The following MTRF1L variants were observed in gnomAD, a reference collection of about 807,000 sequenced individuals.
The protein encoded by MTRF1L is mitochondrial translation release factor 1 like.
A neutral mutation model predicts 40.0 loss-of-function variants in MTRF1L; 29 were observed. That is an observed-to-expected ratio of 0.73 (90% CI 0.54 to 0.99). The LOEUF (loss-of-function observed/expected upper bound fraction) is 0.99, where lower values mean the gene tolerates loss of function less well. Ranked by LOEUF, MTRF1L falls within the 50% of genes least tolerant of loss-of-function variation. The pLI is 0.00. For missense variants in MTRF1L, 412 were observed against 464.5 expected, an observed-to-expected ratio of 0.89 and a Z score of 1.04; for synonymous variants, 150 against 175.8, an observed-to-expected ratio of 0.85 and a Z score of 1.16.
intron 1 of MTRF1L, 109 bp downstream of exon 1, chr6:153,002,318 G>C (rs1399711387): frequency 6.6e-7 from 1 of 1,517,778 alleles, no homozygotes; most frequent in Non-Finnish European, 9.1e-7. Flanking sequence ...AAATAAAAAC[G>C]GCTGCAAGTG....
intron 1 of MTRF1L, among the ~76,000 whole-genome samples, chr6:153,000,976 C>T (rs962792469): frequency 4.7e-5 from 7 of 149,774 alleles, no homozygotes; most frequent in African/African-American, 1.5e-4. Flanking sequence ...CGGGTTCAAG[C>T]GATTCTCCCA....
chr6:152,998,156 T>TA (rs566694773), intron 2 of MTRF1L: 15,689 of 121,480 alleles, frequency 0.13, 1,075 homozygotes, highest in Admixed American at 0.2. Flanking sequence ...CCAGTCTTCT[T>TA]AAAAAAAAAA....
intron 1 of MTRF1L, among the ~76,000 whole-genome samples, chr6:152,999,306 T>A (rs755527554): frequency 2.0e-5 from 3 of 152,172 alleles, no homozygotes; most frequent in Non-Finnish European, 4.4e-5. Flanking sequence ...AAGGGAAAAT[T>A]TCTGGCTATT....
At chr6:152,998,821 A>G (rs1414206670) in intron 1 of MTRF1L, 192 bp from the exon 2 acceptor site, 2 of 345,992 alleles carry the variant, frequency 5.8e-6, no homozygotes, top group Non-Finnish European at 1.0e-5. Flanking sequence ...CATTTTATAC[A>G]TTAGTTTTCA....
intron 4 of MTRF1L, among the ~76,000 whole-genome samples, chr6:152,994,171 T>C (rs1043355957): frequency 6.6e-6 from 1 of 152,202 alleles, no homozygotes; most frequent in East Asian, 1.9e-4. Context: ...TAAATAGGAT[T>C]GTTGCTGTTA....
chr6:153,001,582 T>C (rs1222937024), intron 1 of MTRF1L, among the ~76,000 whole-genome samples: 1 of 152,222 alleles, frequency 6.6e-6, no homozygotes, highest in Non-Finnish European at 1.5e-5. Context: ...TTTTATACTT[T>C]CATCTTAATT....
intron 2 of MTRF1L, among the ~76,000 whole-genome samples, chr6:152,995,965 AGT>A (rs763628222): frequency 1.7e-4 from 26 of 152,330 alleles, no homozygotes; most frequent in Non-Finnish European, 3.7e-4. Context: ...CCATTACAAT[AGT>A]GTGTTTCTAA....
chr6:152,994,895 AACACATCTAAG>A, intron 3 of MTRF1L: 2 of 711,958 alleles, frequency 2.8e-6, no homozygotes, highest in Non-Finnish European at 4.6e-6. Flanking sequence ...TGACATCAGT[AACACATCTAAG>A]ACTACTTTTA....
chr6:153,001,146 T>TA (rs1445366974), intron 1 of MTRF1L, among the ~76,000 whole-genome samples: 1 of 152,166 alleles, frequency 6.6e-6, no homozygotes, highest in Non-Finnish European at 1.5e-5. Context: ...GTGCTGGAAT[T>TA]AGAGGCGTGA....
At chr6:152,998,235 A>C (rs1778786171) in intron 2 of MTRF1L, 1 of 162,130 alleles carries the variant, frequency 6.2e-6, no homozygotes, top group African/African-American at 2.4e-5. Flanking sequence ...TGTGACATTT[A>C]TCTTTCTGTG....
chr6:152,991,532 G>T, intron 5 of MTRF1L: 1 of 444,452 alleles, frequency 2.2e-6, no homozygotes, highest in Non-Finnish European at 3.8e-6. Context: ...AGCACAAATA[G>T]CACAAAGTCT....
At position 152,991,175 on chromosome 6, in the gene MTRF1L, CT is replaced by C. The variant is rs34463753; in HGVS notation, c.942+9del. 15 of 1,136,116 alleles carry C rather than the reference CT, an allele frequency of 1.3e-5. No homozygotes were observed. The African/African-American group carries it at 1.9e-4, about 15-fold the overall frequency. The allele number at this position is 1,136,116 out of a possible 1,614,324, so 70.4% of individuals were successfully genotyped here. On this transcript the variant is annotated intron_variant, in intron 6 of 6. Coordinates refer to ENST00000367233, the MANE Select transcript of MTRF1L (RefSeq NM_019041.7). ...ATCCTTTAAAAGCATTTTTAAAATT[CT>C]TTTTTTACCTGAATTTTTCTAGCAT...
chr6:153,000,798 C>G (rs1335862400), intron 1 of MTRF1L, among the ~76,000 whole-genome samples: 1 of 151,654 alleles, frequency 6.6e-6, no homozygotes, highest in African/African-American at 2.4e-5. Flanking sequence ...GACAAAATTG[C>G]CAAATCTAAA....
chr6:152,994,659 A>T lies in MTRF1L; in HGVS notation c.541T>A (p.Ser181Thr). Residue 181 changes from serine (S) to threonine (T), a missense_variant, in exon 4 of 7, where the codon TCT (serine) becomes ACT (threonine). Coordinates refer to ENST00000367233, the MANE Select transcript of MTRF1L (RefSeq NM_019041.7). ...GCTTCTGAACCCCCAATGCTGGCAG[A>T]TGCATGTCTAAGGCCACCTTGAAAA... is the stretch of plus-strand genomic sequence containing the variant. ...PSELGGLRHA[S>T]ASIGGSEAYR... 6.2e-7 allele frequency: 1 copy of T among 1,614,172 alleles called. No individual in the cohort carries two copies. The highest frequency in any genetic ancestry group is 8.5e-7 in the Non-Finnish European group (1 of 1,180,018).
chr6:152,994,505 T>A lies in MTRF1L; in HGVS notation c.687+8A>T. 6.2e-7 allele frequency: 1 copy of A among 1,604,510 alleles called. No homozygotes were observed. The highest frequency in any genetic ancestry group is 1.1e-5 in the South Asian group (1 of 89,838). Reference sequence around the variant, plus strand: ...CCGGGATTCCAAGGAGAGGGGCTTATGCCTTACCTCAGTAGGCTGGGGTAA... The same window carrying A: ...CCGGGATTCCAAGGAGAGGGGCTTAAGCCTTACCTCAGTAGGCTGGGGTAA... On this transcript the variant is annotated splice_region_variant and intron_variant, in intron 4 of 6. Coordinates refer to ENST00000367233, the MANE Select transcript of MTRF1L (RefSeq NM_019041.7).
chr6:152,994,512 C>A lies in MTRF1L; in HGVS notation c.687+1G>T. Reference sequence around the variant, plus strand: ...TCCAAGGAGAGGGGCTTATGCCTTACCTCAGTAGGCTGGGGTAATATTGCT... The same window carrying A: ...TCCAAGGAGAGGGGCTTATGCCTTAACTCAGTAGGCTGGGGTAATATTGCT... On this transcript the variant is annotated splice_donor_variant, in intron 4 of 6. Coordinates refer to ENST00000367233, the MANE Select transcript of MTRF1L (RefSeq NM_019041.7). LOFTEE classifies it high-confidence loss of function. 1 of 1,608,410 alleles carries A rather than the reference C, an allele frequency of 6.2e-7. No individual in the cohort carries two copies. The highest frequency in any genetic ancestry group is 8.5e-7 in the Non-Finnish European group (1 of 1,177,900).
chr6:152,991,844 C>T (rs1454468077), intron 5 of MTRF1L, among the ~76,000 whole-genome samples: 1 of 152,110 alleles, frequency 6.6e-6, no homozygotes, highest in Non-Finnish European at 1.5e-5. Context: ...CCACCGCGCC[C>T]GGCCTAGCAC....
In MTRF1L at chr6:153,002,457, C is replaced by T; in HGVS notation, c.229G>A (p.Glu77Lys). The T allele has an allele frequency of 6.2e-7, 1 of 1,613,936 alleles. No individual in the cohort carries two copies. The highest frequency in any genetic ancestry group is 8.5e-7 in the Non-Finnish European group (1 of 1,179,854). ...AGCAAGTGCTCAGTCTCCCGCAGCT[C>T]CCGCTCCTTCTCGTTCAGCAGTTTG... ...VIKLLNEKERELRETEHLLHD... is the reference protein window; with the variant it reads ...VIKLLNEKERKLRETEHLLHD... Residue 77 changes from glutamate (E) to lysine (K), a missense_variant, in exon 1 of 7, where the codon GAG becomes AAG. Coordinates refer to ENST00000367233, the MANE Select transcript of MTRF1L (RefSeq NM_019041.7).
intron 1 of MTRF1L, among the ~76,000 whole-genome samples, chr6:152,999,314 A>G (rs1436476874): frequency 6.6e-6 from 1 of 152,200 alleles, no homozygotes; most frequent in African/African-American, 2.4e-5. Context: ...ATTTCTGGCT[A>G]TTAACAAATT....
Sources: gnomAD v4.1 joint callset for allele counts (sites outside exome capture counted in the v4.1 genomes callset) on GRCh38, gnomAD v4.1.1 for gene constraint, MANE v1.5 for transcripts, NCBI Gene and HGNC (gene_info 2026-07-23, HGNC 2026-07-21) for gene names.